Variants in PJVK observed in about 807,000 individuals in gnomAD.
PJVK encodes pejvakin, also known as autosomal recessive deafness type 59 protein.
In PJVK, 33 loss-of-function variants were observed where a neutral mutation model predicts 37.6. The ratio of observed to expected loss-of-function variants is 0.88; its 90% CI spans 0.67 to 1.17. The LOEUF is 1.17. Ranked by LOEUF, PJVK falls within the 50% of genes most tolerant of loss-of-function variation. The probability of loss-of-function intolerance (pLI) is 0.00; values close to 1 mark genes in which losing one functional copy is unlikely to be tolerated. For synonymous variants in PJVK, 141 were observed against 143.5 expected (o/e 0.98, Z 0.13); for missense variants, 410 against 413.8 (o/e 0.99, Z 0.08).
At chr2:178,460,476 C>CTT in intron 6 of PJVK, 30 bp downstream of exon 6, 13 of 1,436,202 alleles carry the variant, frequency 9.1e-6, no homozygotes, top group East Asian at 2.5e-5. Flanking sequence ...CTGTGAATGT[C>CTT]TTTTTTTTTT....
At chr2:178,455,659 C>A (rs531037353) in intron 3 of PJVK, among the ~76,000 whole-genome samples, 20 of 150,528 alleles carry the variant, frequency 1.3e-4, no homozygotes, top group African/African-American at 2.7e-4. Context: ...AAAAAAAAAA[C>A]CACTTGGCTT....
rs1419276747 is a variant in PJVK, at chr2:178,458,510, T to C, written c.550T>C (p.Phe184Leu). 6.3e-7 allele frequency: 1 copy of C among 1,594,088 alleles called. No individual in the cohort carries two copies. Among genetic ancestry groups the C allele is most frequent in the East Asian group, 2.2e-5 (1 of 44,760 alleles). The change falls in exon 5 of 7, where the codon TTT becomes CTT. Residue 184 changes from phenylalanine to leucine, a missense_variant and splice_region_variant. Phe to Leu is a conservative substitution (Grantham distance 22). Transcript: ENST00000644580. ...HAGIRGEAMR[F>L]HFMDEQNPKG... The stretch of plus-strand genomic sequence containing the variant: ...TATGTTATTTATTTATTCAATATAG[T>C]TTCACTTTATGGATGAACAGAATCC...
chr2:178,454,688 A>AGG, intron 3 of PJVK, 161 bp downstream of exon 3: 2 of 1,470,528 alleles, frequency 1.4e-6, no homozygotes, highest in Non-Finnish European at 1.9e-6. Context: ...ACTTTGAATA[A>AGG]GGATAGATAT....
chr2:178,452,183 C>G (rs1697714437), intron 1 of PJVK: 1 of 578,656 alleles, frequency 1.7e-6, no homozygotes, highest in South Asian at 7.5e-5. Flanking sequence ...ATCCCAGCTA[C>G]TCGGGAGGCT....
At chr2:178,451,933 C>G (rs918410059) in intron 1 of PJVK, 164 bp downstream of exon 1, 19 of 717,670 alleles carry the variant, frequency 2.6e-5, no homozygotes, top group Non-Finnish European at 3.2e-5. Context: ...GAAATGCTCC[C>G]CTGTGCTTAC....
intron 1 of PJVK, chr2:178,452,692 AAG>A (rs937709519): frequency 3.2e-6 from 3 of 941,564 alleles, no homozygotes; most frequent in African/African-American, 1.8e-5. Flanking sequence ...CTCCATTTCA[AAG>A]AGAGAGAGTC....
At chr2:178,453,746 T>A in intron 2 of PJVK, 126 bp downstream of exon 2, 1 of 781,144 alleles carries the variant, frequency 1.3e-6, no homozygotes, top group South Asian at 1.6e-5. Flanking sequence ...TTTATTATGA[T>A]GTTAGTGTAA....
rs1047222546 is a variant in PJVK at position 178,459,304 on chromosome 2, C to T, written c.667+677C>T. ...AAATGTTTTTAGACCTGTTCTTGTT[C>T]ATTTCTGCAATTTTGTAGGAGGAGG... On this transcript the variant is annotated intron_variant, in intron 5 of 6. Coordinates refer to ENST00000644580, the MANE Select transcript of PJVK (RefSeq NM_001042702.5). The T allele has an allele frequency of 1.2e-5, 5 of 430,986 alleles. No individual in the cohort carries two copies. The East Asian group carries it at 3.6e-4, about 31-fold the overall frequency. The allele number at this position is 430,986 out of a possible 1,614,324, so 26.7% of individuals were successfully genotyped here.
chr2:178,455,056 G>A (rs1575115084), intron 3 of PJVK: 1 of 1,397,398 alleles, frequency 7.2e-7, no homozygotes, highest in African/African-American at 1.4e-5. Context: ...GGCACCTCCA[G>A]GTGGGGCTCA....
chr2:178,456,504 G>A (rs1480308176), intron 4 of PJVK, among the ~76,000 whole-genome samples: 8 of 152,056 alleles, frequency 5.3e-5, no homozygotes, highest in Non-Finnish European at 1.2e-4. Flanking sequence ...AGTGGCTCAC[G>A]CCTGTAATCC....
At chr2:178,454,695 A>G in intron 3 of PJVK, 168 bp downstream of exon 3, 3 of 1,483,264 alleles carry the variant, frequency 2.0e-6, no homozygotes, top group Non-Finnish European at 2.8e-6. Context: ...ATAAGGATAG[A>G]TATCAAAAAT....
At chr2:178,454,727 C>T (rs761092026) in intron 3 of PJVK, 200 bp downstream of exon 3, 267 of 1,558,170 alleles carry the variant, frequency 1.7e-4, no homozygotes, top group Non-Finnish European at 2.1e-4. Context: ...AGTCAGAGAC[C>T]TCAGGGCCCC....
intron 1 of PJVK, chr2:178,453,117 C>T: frequency 2.7e-6 from 1 of 375,496 alleles, no homozygotes; most frequent in Non-Finnish European, 5.1e-6. Flanking sequence ...AGACATTGGT[C>T]ATATTTTTAC....
In PJVK at chr2:178,461,804, T is replaced by G. The variant is rs6718614; in HGVS notation, c.*530T>G. 1.4e-3 allele frequency among the ~76,000 whole-genome samples: 209 copies of G among 152,214 alleles called. 1 individual carries two copies. Among genetic ancestry groups the G allele is most frequent in the African/African-American group, 4.8e-3 (200 of 41,520 alleles). ...TTTACCATCTTGGCCAGGCTGATCTTGAACTCCTGACCTTGTGATCCACTT... is the reference window on the plus strand; with the variant it reads ...TTTACCATCTTGGCCAGGCTGATCTGGAACTCCTGACCTTGTGATCCACTT... On this transcript the variant is annotated 3_prime_UTR_variant, in exon 7 of 7. Coordinates refer to ENST00000644580, the MANE Select transcript of PJVK (RefSeq NM_001042702.5).
rs1396940767 is a variant in PJVK, at chr2:178,453,192, G to A, written c.-22-196G>A. 9.5e-6 allele frequency: 5 copies of A among 526,634 alleles called. No individual in the cohort carries two copies. The East Asian group carries it at 1.0e-4, about 11-fold the overall frequency. 32.6% of individuals were successfully genotyped at this position (526,634 alleles called of 1,614,324 possible). On this transcript the variant is annotated intron_variant, in intron 1 of 6. Coordinates refer to ENST00000644580, the MANE Select transcript of PJVK (RefSeq NM_001042702.5). The stretch of plus-strand genomic sequence containing the variant: ...CCATTCCAAGTTAAACATGCTCTTA[G>A]CATATCATTTTACACCGTTGATCTA...
chr2:178,452,104 C>G (rs1697708231), intron 1 of PJVK, among the ~76,000 whole-genome samples: 1 of 152,064 alleles, frequency 6.6e-6, no homozygotes, highest in African/African-American at 2.4e-5. Flanking sequence ...ACCAGCCTGG[C>G]CAACATGGTG....
Position 178,460,330 on chromosome 2 carries a change from T to C in PJVK, c.668-18T>C. ...GAATTATTCAAGTTATAACATCTTC[T>C]AACAATTTTTTTTGTAGACCTTTGT... is the stretch of plus-strand genomic sequence containing the variant. On this transcript the variant is annotated intron_variant, in intron 5 of 6. Coordinates refer to ENST00000644580, the MANE Select transcript of PJVK (RefSeq NM_001042702.5). 6.2e-7 allele frequency: 1 copy of C among 1,601,796 alleles called. No homozygotes were observed. The highest frequency in any genetic ancestry group is 2.2e-5 in the East Asian group (1 of 44,770).
chr2:178,456,849 A>G (rs905985146), intron 4 of PJVK, among the ~76,000 whole-genome samples: 2 of 152,046 alleles, frequency 1.3e-5, no homozygotes, highest in Non-Finnish European at 2.9e-5. Context: ...GTGAAATTAC[A>G]TGCATACTGG....
chr2:178,454,600 A>G (rs1697934951), intron 3 of PJVK, 73 bp downstream of exon 3: 1 of 1,508,856 alleles, frequency 6.6e-7, no homozygotes, highest in Non-Finnish European at 9.1e-7. Flanking sequence ...CATTACAAAG[A>G]ATGCTTAAAA....
Sources: gnomAD v4.1 joint callset for allele counts (sites outside exome capture counted in the v4.1 genomes callset) on GRCh38, gnomAD v4.1.1 for gene constraint, MANE v1.5 for transcripts, NCBI Gene and HGNC (gene_info 2026-07-23, HGNC 2026-07-21) for gene names.